The following CELF2 variants were observed in gnomAD, a reference collection of about 807,000 sequenced individuals.
The protein encoded by CELF2 is CUGBP Elav-like family member 2, also known as CUG triplet repeat RNA-binding protein 2.
A neutral mutation model predicts 62.6 loss-of-function variants in CELF2; 8 were observed. The observed-to-expected ratio is 0.13, with a 90% CI of 0.07 to 0.23. The LOEUF (loss-of-function observed/expected upper bound fraction) is 0.23, where lower values mean the gene tolerates loss of function less well. Among genes scored for constraint, CELF2 ranks in the 10% least tolerant of loss-of-function variants. The pLI is 1.00. For synonymous variants in CELF2, 258 were observed against 250.0 expected, an observed-to-expected ratio of 1.03 and a Z score of -0.30; for missense variants, 333 against 671.0, an observed-to-expected ratio of 0.50 and a Z score of 5.56.
At chr10:10,618,097 T>C in the CELF2 span, among the ~76,000 whole-genome samples, 1 of 152,004 alleles carries the variant, frequency 6.6e-6, no homozygotes, top group African/African-American at 2.4e-5. Flanking sequence ...CTCCATCATC[T>C]CTTGCCTGGA....
rs1326224757 is a variant in CELF2, at chr10:11,242,934, C to T, written c.355-6219C>T. Among the ~76,000 whole-genome samples the T allele has an allele frequency of 6.6e-6, 1 of 152,126 alleles. No individual in the cohort carries two copies. Among genetic ancestry groups the T allele is most frequent in the Non-Finnish European group, 1.5e-5 (1 of 68,012 alleles). On this transcript the variant is annotated intron_variant, in intron 3 of 12. Coordinates refer to ENST00000633077, the MANE Select transcript of CELF2 (RefSeq NM_001326342.2). The surrounding 1 kb of genome is among the most constrained non-coding windows in gnomAD (Gnocchi z 4.8). ...ACCAGGGCGACAGGGACGGAGGCGC[C>T]GGTGGCAACTGGTGCTGGGTCAGAA...
intron 2 of CELF2, among the ~76,000 whole-genome samples, chr10:10,986,868 A>T (rs1383875531): frequency 6.6e-6 from 1 of 152,226 alleles, no homozygotes; most frequent in African/African-American, 2.4e-5. Context: ...GGTTTATATG[A>T]CTATATCAAA....
chr10:10,817,778 A>G (rs1363121671), intron 1 of CELF2, among the ~76,000 whole-genome samples: 1 of 152,238 alleles, frequency 6.6e-6, no homozygotes, highest in Admixed American at 6.5e-5. Context: ...TGTTGCAACA[A>G]ACATAGAAGC....
Position 10,981,079 on chromosome 10 carries a change from T to G in CELF2, c.89+61080T>G, listed in dbSNP as rs529639611. ...GCTCCAGAGAGAACCCTTCTGCCAT[T>G]GTGACACGCCCACTGAAGTCCCAGA... On this transcript the variant is annotated intron_variant, in intron 2 of 13. Transcript: ENST00000636488. 8.4e-4 allele frequency among the ~76,000 whole-genome samples: 128 copies of G among 152,368 alleles called. 2 individuals are homozygous for G. The highest frequency in any genetic ancestry group is 2.1e-3 in the South Asian group (10 of 4,830).
chr10:10,783,307 G>T, the CELF2 span, among the ~76,000 whole-genome samples: 7 of 152,286 alleles, frequency 4.6e-5, no homozygotes, highest in Admixed American at 1.3e-4. Context: ...GCAAAAGGGA[G>T]ACTTTGAACA....
the CELF2 span, among the ~76,000 whole-genome samples, chr10:10,585,733 T>C: frequency 6.6e-6 from 1 of 152,316 alleles, no homozygotes; most frequent in East Asian, 1.9e-4. Context: ...GGATCTTTTA[T>C]GTAATTGATT....
intron 2 of CELF2, among the ~76,000 whole-genome samples, chr10:10,963,242 A>C (rs2049745942): frequency 6.6e-6 from 1 of 152,020 alleles, no homozygotes; most frequent in Admixed American, 6.6e-5. Context: ...TTTAGTAGAG[A>C]TGAGGTTTCA....
At chr10:10,929,712 C>T (rs891946826) in intron 2 of CELF2, 2 of 152,100 alleles carry the variant, frequency 1.3e-5, no homozygotes, top group Non-Finnish European at 2.9e-5. Context: ...AAATGATACC[C>T]GTAAAGTGCT....
At position 11,314,479 on chromosome 10, in the gene CELF2, T is replaced by A; in HGVS notation, c.1096+221T>A. The A allele has an allele frequency of 1.6e-6, 1 of 623,522 alleles. No individual in the cohort carries two copies. Among genetic ancestry groups the A allele is most frequent in the Admixed American group, 2.2e-5 (1 of 46,224 alleles). 38.6% of individuals were successfully genotyped at this position (623,522 alleles called of 1,614,324 possible). The stretch of plus-strand genomic sequence containing the variant: ...CCACCCCCAGATTCTCTTCAGTGTG[T>A]AGCACAGCGCGTGTGCTCATCCATG... On this transcript the variant is annotated intron_variant, in intron 10 of 12. Transcript: ENST00000633077. This position sits in a 1 kb window ranked among gnomAD's most constrained non-coding sequence, Gnocchi z 5.3.
At chr10:10,608,822 T>G in the CELF2 span, among the ~76,000 whole-genome samples, 1 of 152,184 alleles carries the variant, frequency 6.6e-6, no homozygotes, top group African/African-American at 2.4e-5. Flanking sequence ...GAGTAGTGAT[T>G]CTTAATTAGA....
intron 9 of CELF2, among the ~76,000 whole-genome samples, chr10:11,293,485 C>G (rs761493488): frequency 2.2e-4 from 34 of 152,228 alleles, no homozygotes; most frequent in Non-Finnish European, 4.1e-4. Context: ...CTAGCTCATT[C>G]TAGACCTGGG....
At position 11,211,721 on chromosome 10, in the gene CELF2, G is replaced by A. The variant is rs887145870; in HGVS notation, c.272-5704G>A. Among the ~76,000 whole-genome samples the A allele has an allele frequency of 3.3e-5, 5 of 151,936 alleles. No homozygotes were observed. Among genetic ancestry groups the A allele is most frequent in the African/African-American group, 9.7e-5 (4 of 41,346 alleles). On this transcript the variant is annotated intron_variant, in intron 2 of 12. Coordinates refer to ENST00000633077, the MANE Select transcript of CELF2 (RefSeq NM_001326342.2). This position sits in a 1 kb window ranked among gnomAD's most constrained non-coding sequence, Gnocchi z 4.8. The stretch of plus-strand genomic sequence containing the variant: ...TTTAAAATTAAAGTCTTTCAGTACA[G>A]TTGAGTGTTTCTTTATGATTTTAAA...
chr10:11,058,946 A>G (rs2066028142), intron 1 of CELF2, among the ~76,000 whole-genome samples: 2 of 151,262 alleles, frequency 1.3e-5, no homozygotes, highest in African/African-American at 4.9e-5. Context: ...ATGTCCGGCT[A>G]ATTTTTAATT....
chr10:10,849,270 C>A (rs1248523408), intron 1 of CELF2, among the ~76,000 whole-genome samples: 1 of 151,274 alleles, frequency 6.6e-6, no homozygotes, highest in Non-Finnish European at 1.5e-5. Flanking sequence ...ATTAGCTGGG[C>A]ATGGTAGCGG....
At chr10:10,716,425 C>T in the CELF2 span, among the ~76,000 whole-genome samples, 19 of 152,164 alleles carry the variant, frequency 1.2e-4, no homozygotes, top group Non-Finnish European at 1.9e-4. Context: ...CCTGTAGTCC[C>T]AGCTACTGGG....
At chr10:11,028,639 T>C (rs1452081331) in intron 1 of CELF2, among the ~76,000 whole-genome samples, 2 of 151,672 alleles carry the variant, frequency 1.3e-5, no homozygotes, top group African/African-American at 4.9e-5. Flanking sequence ...CAGGCTGGTC[T>C]CAAACTCCTG....
chr10:11,265,028 C>T (rs887889006), intron 5 of CELF2, among the ~76,000 whole-genome samples: 1 of 152,184 alleles, frequency 6.6e-6, no homozygotes, highest in African/African-American at 2.4e-5. Flanking sequence ...GACTGGATGT[C>T]GTTGTGCTTT....
chr10:10,884,800 A>G (rs1204092260), intron 1 of CELF2, among the ~76,000 whole-genome samples: 1 of 152,234 alleles, frequency 6.6e-6, no homozygotes, highest in Admixed American at 6.5e-5. Context: ...ATACAGTGCC[A>G]CTGTGTATGA....
rs1057113117 is a variant in CELF2, at chr10:11,290,678, C to T, written c.976+2126C>T. 3.9e-5 allele frequency among the ~76,000 whole-genome samples: 6 copies of T among 152,182 alleles called. No homozygotes were observed. The highest frequency in any genetic ancestry group is 1.4e-4 in the African/African-American group (6 of 41,460). On this transcript the variant is annotated intron_variant, in intron 9 of 12. Coordinates refer to ENST00000633077, the MANE Select transcript of CELF2 (RefSeq NM_001326342.2). This position sits in a 1 kb window ranked among gnomAD's most constrained non-coding sequence, Gnocchi z 4.3. ...GTTGTGGGATGAGCCTTCCTCCCTG[C>T]TGGAGTCAAAACCACACCAGCGCAG... is the stretch of plus-strand genomic sequence containing the variant.
Sources: allele counts gnomAD v4.1 joint callset (sites outside exome capture counted in the v4.1 genomes callset), GRCh38; gene constraint gnomAD v4.1.1; non-coding constraint Gnocchi (gnomAD v3.1); transcripts MANE v1.5; gene names NCBI Gene and HGNC (gene_info 2026-07-23, HGNC 2026-07-21).